The following PAIP2 variants were observed in gnomAD, a reference collection of about 807,000 sequenced individuals.
The protein encoded by PAIP2 is poly(A) binding protein interacting protein 2, also known as polyadenylate-binding protein-interacting protein 2.
A neutral mutation model predicts 14.8 loss-of-function variants in PAIP2; 7 were observed. That is an observed-to-expected ratio of 0.47 (90% CI 0.27 to 0.89). The LOEUF is 0.89. Among genes scored for constraint, PAIP2 ranks in the 40% least tolerant of loss-of-function variants. The probability of loss-of-function intolerance (pLI) is 0.13; values close to 1 mark genes in which losing one functional copy is unlikely to be tolerated. For missense variants in PAIP2, 122 were observed against 154.7 expected, an observed-to-expected ratio of 0.79 and a Z score of 1.12; for synonymous variants, 47 against 45.3, an observed-to-expected ratio of 1.04 and a Z score of -0.15.
intron 1 of PAIP2, among the ~76,000 whole-genome samples, chr5:139,349,446 G>T (rs1031903372): frequency 1.4e-4 from 21 of 151,710 alleles, no homozygotes; most frequent in African/African-American, 4.6e-4. Context: ...ACCGGGTTTC[G>T]CCATGTTGGC....
In PAIP2 at chr5:139,358,451, T is replaced by G. The variant is rs572874407; in HGVS notation, c.-26-5308T>G. ...TGGGGAGGGAGTCAGCTACCTTTTT[T>G]ACTCATTTTTTCTATCACAGTTGAA... On this transcript the variant is annotated intron_variant, in intron 1 of 3. Coordinates refer to ENST00000265192, the MANE Select transcript of PAIP2 (RefSeq NM_016480.5). 5.9e-5 allele frequency among the ~76,000 whole-genome samples: 9 copies of G among 152,330 alleles called. No individual in the cohort carries two copies. The East Asian group carries it at 1.7e-3, about 29-fold the overall frequency.
intron 1 of PAIP2, chr5:139,342,642 G>A (rs2152042245): frequency 6.6e-6 from 1 of 152,236 alleles, no homozygotes; most frequent in Non-Finnish European, 1.5e-5. Flanking sequence ...ACCCTAGGAG[G>A]GCGTTGAGTT....
In PAIP2 at chr5:139,363,810, C is replaced by A; in HGVS notation, c.26C>A (p.Thr9Asn). Residue 9 changes from threonine to asparagine, a missense_variant, in exon 2 of 4, where the codon ACT becomes AAT. Transcript: ENST00000265192. MKDPSRSS[T>N]SPSIINEDVI... ...ATGAAAGATCCAAGTCGCAGCAGTA[C>A]TAGCCCAAGCATCATCAATGAAGAT... 1 of 1,614,140 alleles carries A rather than the reference C, an allele frequency of 6.2e-7. No individual in the cohort carries two copies.
chr5:139,360,710 C>T (rs1311567392), intron 1 of PAIP2, among the ~76,000 whole-genome samples: 1 of 151,386 alleles, frequency 6.6e-6, no homozygotes, highest in African/African-American at 2.4e-5. Flanking sequence ...CGATCCACCC[C>T]TGTTGACCTC....
chr5:139,351,911 C>G (rs951685266), intron 1 of PAIP2, among the ~76,000 whole-genome samples: 2 of 152,110 alleles, frequency 1.3e-5, no homozygotes, highest in African/African-American at 4.8e-5. Context: ...CCTCCCGCAT[C>G]GGCCTACACT....
chr5:139,355,763 A>C (rs890513995), intron 1 of PAIP2, among the ~76,000 whole-genome samples: 6 of 152,018 alleles, frequency 3.9e-5, no homozygotes, highest in African/African-American at 1.4e-4. Context: ...AGGCTGAGGA[A>C]GGAGAATCGC....
chr5:139,355,166 C>CT (rs758442291), intron 1 of PAIP2, among the ~76,000 whole-genome samples: 75,456 of 118,736 alleles, frequency 0.64, 25,027 homozygotes, highest in Non-Finnish European at 0.71. Flanking sequence ...TTGTCTCTCT[C>CT]TTTTTTTTTT....
chr5:139,362,138 G>C (rs1757083016), intron 1 of PAIP2, among the ~76,000 whole-genome samples: 1 of 152,108 alleles, frequency 6.6e-6, no homozygotes, highest in Non-Finnish European at 1.5e-5. Context: ...ACTTTTTGAA[G>C]TCAGTTTTTA....
intron 1 of PAIP2, among the ~76,000 whole-genome samples, chr5:139,343,708 G>GTTTTTTT (rs61419083): frequency 7.6e-6 from 1 of 130,948 alleles, no homozygotes; most frequent in Non-Finnish European, 1.6e-5. Context: ...GGCAGAGCAA[G>GTTTTTTT]TTTTTTTTTT....
intron 1 of PAIP2, among the ~76,000 whole-genome samples, chr5:139,359,987 G>T (rs1757022919): frequency 6.6e-6 from 1 of 151,712 alleles, no homozygotes; most frequent in South Asian, 2.1e-4. Flanking sequence ...TTTTTTTTGA[G>T]ATGTAGTCGC....
intron 1 of PAIP2, among the ~76,000 whole-genome samples, chr5:139,361,471 A>G (rs572336850): frequency 6.6e-6 from 1 of 152,258 alleles, no homozygotes; most frequent in Admixed American, 6.5e-5. Flanking sequence ...GTACAGGTGA[A>G]TTGTTTTATG....
intron 1 of PAIP2, among the ~76,000 whole-genome samples, chr5:139,343,708 G>GTTTTT (rs61419083): frequency 6.1e-5 from 8 of 130,930 alleles, no homozygotes; most frequent in East Asian, 2.2e-4. Context: ...GGCAGAGCAA[G>GTTTTT]TTTTTTTTTT....
At chr5:139,350,250 G>T (rs191425082) in intron 1 of PAIP2, among the ~76,000 whole-genome samples, 1 of 151,768 alleles carries the variant, frequency 6.6e-6, no homozygotes, top group Non-Finnish European at 1.5e-5. Context: ...ATCTACTGTA[G>T]TAGAGGACTT....
At chr5:139,344,357 A>C (rs1225005362) in intron 1 of PAIP2, among the ~76,000 whole-genome samples, 2 of 152,210 alleles carry the variant, frequency 1.3e-5, no homozygotes, top group African/African-American at 2.4e-5. Context: ...GTCTAAGATT[A>C]AAGTTGTCCA....
intron 1 of PAIP2, among the ~76,000 whole-genome samples, chr5:139,362,271 A>G (rs997403997): frequency 6.6e-6 from 1 of 151,868 alleles, no homozygotes; most frequent in Non-Finnish European, 1.5e-5. Context: ...CCTAGGCTGG[A>G]GTGCAGTGGT....
intron 1 of PAIP2, among the ~76,000 whole-genome samples, chr5:139,361,935 C>CAAAAAA (rs34168919): frequency 1.0e-5 from 1 of 100,012 alleles, no homozygotes; most frequent in Non-Finnish European, 1.9e-5. Context: ...GACCCTGTCT[C>CAAAAAA]AAAAAAAAAA....
intron 1 of PAIP2, among the ~76,000 whole-genome samples, chr5:139,350,132 G>A (rs1042828988): frequency 6.7e-6 from 1 of 149,926 alleles, no homozygotes; most frequent in Admixed American, 6.7e-5. Flanking sequence ...CTGAGATCGC[G>A]CCACTGCACT....
chr5:139,342,891 A>G (rs545453433), intron 1 of PAIP2: 8 of 152,210 alleles, frequency 5.3e-5, no homozygotes, highest in African/African-American at 1.9e-4. Context: ...CCCAAACTCT[A>G]GAAAGAATTT....
At chr5:139,358,772 T>C (rs1210832124) in intron 1 of PAIP2, among the ~76,000 whole-genome samples, 2 of 152,194 alleles carry the variant, frequency 1.3e-5, no homozygotes, top group African/African-American at 4.8e-5. Context: ...AGAGGACACA[T>C]ATTTTATGAT....
Sources: allele counts gnomAD v4.1 joint callset (sites outside exome capture counted in the v4.1 genomes callset), GRCh38; gene constraint gnomAD v4.1.1; transcripts MANE v1.5; gene names NCBI Gene and HGNC (gene_info 2026-07-23, HGNC 2026-07-21).